Variants in DGCR8 observed in about 807,000 individuals in gnomAD.
DGCR8 encodes the protein DGCR8 microprocessor complex subunit, also known as microprocessor complex subunit DGCR8.
In DGCR8, 14 loss-of-function variants were observed where a neutral mutation model predicts 78.5. The ratio of observed to expected loss-of-function variants is 0.18; its 90% CI spans 0.12 to 0.28. DGCR8 has a LOEUF of 0.28. Ranked by LOEUF, DGCR8 falls within the 10% of genes least tolerant of loss-of-function variation. The pLI, the probability that DGCR8 is intolerant of heterozygous loss-of-function variation, is 1.00. For missense variants in DGCR8, 702 were observed against 1,022.5 expected (o/e 0.69, Z 4.28); for synonymous variants, 399 against 402.4 (o/e 0.99, Z 0.10).
rs770165245 is a variant in DGCR8, at chr22:20,090,189, G to A, written c.1237G>A (p.Ala413Thr). The A allele has an allele frequency of 9.9e-6, 16 of 1,614,096 alleles. No individual in the cohort carries two copies. Among genetic ancestry groups the A allele is most frequent in the Non-Finnish European group, 1.4e-5 (16 of 1,180,046 alleles). The change falls in exon 5 of 14, where the codon GCT (alanine) becomes ACT (threonine). Residue 413 changes from alanine to threonine, a missense_variant. Coordinates refer to ENST00000351989, the MANE Select transcript of DGCR8 (RefSeq NM_022720.7). Reference protein sequence around the residue: ...GPPDEKDPLGAEAAPGALGQV... With the variant: ...GPPDEKDPLGTEAAPGALGQV... ...CCCGGACGAGAAAGACCCACTAGGG[G>A]CTGAGGCAGCCCCTGGGGCCCTGGG... is the stretch of plus-strand genomic sequence containing the variant.
Position 20,110,988 on chromosome 22 carries a change from C to G in DGCR8, c.*880C>G, listed in dbSNP as rs767736809. 9 of 396,360 alleles carry G rather than the reference C, an allele frequency of 2.3e-5. No homozygotes were observed. The highest frequency in any genetic ancestry group is 4.4e-5 in the Admixed American group (1 of 22,674). The allele number at this position is 396,360 out of a possible 1,614,324, so 24.6% of individuals were successfully genotyped here. On this transcript the variant is annotated 3_prime_UTR_variant, in exon 14 of 14. Coordinates refer to ENST00000351989, the MANE Select transcript of DGCR8 (RefSeq NM_022720.7). ...ATATTTTAGCATTTTGAAAGACTTTCACAGTGAGAGTAGAAGGTAGATTTG... is the reference window on the plus strand; with the variant it reads ...ATATTTTAGCATTTTGAAAGACTTTGACAGTGAGAGTAGAAGGTAGATTTG...
chr22:20,080,574 T>C (rs2049406074), intron 1 of DGCR8, 191 bp downstream of exon 1: 5 of 671,556 alleles, frequency 7.4e-6, no homozygotes, highest in Non-Finnish European at 9.2e-6. Context: ...CCTCCGGGGC[T>C]GGGGGGCGGG....
At chr22:20,107,958 A>G in intron 12 of DGCR8, 1 of 156,366 alleles carries the variant, frequency 6.4e-6, no homozygotes, top group Non-Finnish European at 1.4e-5. Context: ...TGATTACAGA[A>G]ACTCTCTGGG....
chr22:20,094,394 C>T (rs1374075232), intron 8 of DGCR8, among the ~76,000 whole-genome samples: 5 of 152,346 alleles, frequency 3.3e-5, no homozygotes, highest in East Asian at 1.9e-4. Flanking sequence ...GTCCAGGGCC[C>T]GCAAAGCTGT....
At position 20,094,703 on chromosome 22, in the gene DGCR8, T is replaced by G; in HGVS notation, c.1706-10T>G. 6.2e-7 allele frequency: 1 copy of G among 1,613,712 alleles called. No homozygotes were observed. The highest frequency in any genetic ancestry group is 8.5e-7 in the Non-Finnish European group (1 of 1,179,764). The stretch of plus-strand genomic sequence containing the variant: ...CCCAAGCCTCACCCTCGGGCTCTTT[T>G]TTTTCATAGCCCGAGCTACACTGGA... On this transcript the variant is annotated splice_polypyrimidine_tract_variant and intron_variant, in intron 8 of 13. Coordinates refer to ENST00000351989, the MANE Select transcript of DGCR8 (RefSeq NM_022720.7).
In DGCR8 at chr22:20,086,156, G is replaced by T; in HGVS notation, c.193G>T (p.Asp65Tyr). Residue 65 changes from aspartate (D) to tyrosine (Y), a missense_variant, in exon 2 of 14, where the codon GAC becomes TAC. Transcript: ENST00000351989. This position sits in a 1 kb window ranked among gnomAD's most constrained non-coding sequence, Gnocchi z 6.4. Reference sequence around the variant, plus strand: ...TGGACAGTCCGAACTCCCTGCTGAGGACCCCTTCAACTTCTACGGAGCTTC... The same window carrying T: ...TGGACAGTCCGAACTCCCTGCTGAGTACCCCTTCAACTTCTACGGAGCTTC... ...GDGQSELPAE[D>Y]PFNFYGASLL... 1 of 1,614,146 alleles carries T rather than the reference G, an allele frequency of 6.2e-7. No individual in the cohort carries two copies. The highest frequency in any genetic ancestry group is 8.5e-7 in the Non-Finnish European group (1 of 1,180,032).
chr22:20,092,339 C>T (rs554160085), intron 7 of DGCR8, among the ~76,000 whole-genome samples: 22 of 152,314 alleles, frequency 1.4e-4, no homozygotes, highest in African/African-American at 4.8e-4. Flanking sequence ...GGTTCTTGGG[C>T]ATGCATTTCC....
chr22:20,096,521 C>T, intron 9 of DGCR8: 1 of 975,284 alleles, frequency 1.0e-6, no homozygotes, highest in Non-Finnish European at 1.2e-6. Flanking sequence ...TATATAATAG[C>T]TTTATTGAGA....
Position 20,080,251 on chromosome 22 carries a change from C to G in DGCR8, c.-410C>G, listed in dbSNP as rs918926970. ...CCGCGAAGGCCCGCCCTCCGCTCGC[C>G]CGGCGCGGCAGGCGGGTGCCGGCGA... On this transcript the variant is annotated 5_prime_UTR_variant, in exon 1 of 14. Coordinates refer to ENST00000351989, the MANE Select transcript of DGCR8 (RefSeq NM_022720.7). 1 of 974,842 alleles carries G rather than the reference C, an allele frequency of 1.0e-6. No individual in the cohort carries two copies. Among genetic ancestry groups the G allele is most frequent in the South Asian group, 4.7e-5 (1 of 21,176 alleles). The allele number at this position is 974,842 out of a possible 1,614,324, so 60.4% of individuals were successfully genotyped here. A position where few individuals can be genotyped will look rare whatever the true frequency, so the allele number is the denominator to read the frequency against.
Position 20,085,136 on chromosome 22 carries a change from C to T in DGCR8, c.-277-551C>T. On this transcript the variant is annotated intron_variant, in intron 1 of 13. Coordinates refer to ENST00000351989, the MANE Select transcript of DGCR8 (RefSeq NM_022720.7). The surrounding 1 kb of genome is among the most constrained non-coding windows in gnomAD (Gnocchi z 6.2). ...CACGCTGCATCACTGTCCCCGTCCA[C>T]GTGCTACCCTGTGGGCCCAGGAGAG... The T allele has an allele frequency of 3.9e-6, 3 of 766,946 alleles. No homozygotes were observed. Among genetic ancestry groups the T allele is most frequent in the Non-Finnish European group, 4.8e-6 (3 of 630,072 alleles). 47.5% of individuals were successfully genotyped at this position (766,946 alleles called of 1,614,324 possible).
intron 9 of DGCR8, 71 bp downstream of exon 9, chr22:20,094,866 C>G: frequency 2.2e-6 from 3 of 1,377,178 alleles, no homozygotes; most frequent in Non-Finnish European, 2.1e-6. Flanking sequence ...TTAGTGTGAG[C>G]TGGGGGTGTC....
rs779800427 is a variant in DGCR8, at chr22:20,106,236, G to T, written c.1848G>T (p.Gly616=). 5 of 1,613,866 alleles carry T rather than the reference G, an allele frequency of 3.1e-6. No homozygotes were observed. The highest frequency in any genetic ancestry group is 1.1e-5 in the South Asian group (1 of 91,088). Residue 616 remains glycine, a synonymous_variant, in exon 10 of 14, where the codon GGG becomes GGT. Coordinates refer to ENST00000351989, the MANE Select transcript of DGCR8 (RefSeq NM_022720.7). ...TCTACGAGCTGACCAGCAAGGCTGG[G>T]CTGTTGTCTCCATATCAGATCCTCC... ...SRVYELTSKA[G]LLSPYQILHE... is the part of the protein sequence containing the mutation.
At chr22:20,106,497 G>C (rs2049771326) in intron 10 of DGCR8, 95 bp from the exon 11 acceptor site, 1 of 957,128 alleles carries the variant, frequency 1.0e-6, no homozygotes, top group African/African-American at 1.6e-5. Flanking sequence ...GGAGAGGCTT[G>C]GTCATTTCCT....
rs767473016 is a variant in DGCR8 at position 20,085,881 on chromosome 22, G to A, written c.-83G>A. 1.1e-5 allele frequency: 17 copies of A among 1,501,914 alleles called. No individual in the cohort carries two copies. The highest frequency in any genetic ancestry group is 4.5e-5 in the Admixed American group (2 of 44,356). The allele number at this position is 1,501,914 out of a possible 1,614,324, so 93.0% of individuals were successfully genotyped here. ...CGGCAGGACGCGCCCGGGTCTCAGCGGACTTGTGCATGTTAGCTGTGTAGA... is the reference window on the plus strand; with the variant it reads ...CGGCAGGACGCGCCCGGGTCTCAGCAGACTTGTGCATGTTAGCTGTGTAGA... On this transcript the variant is annotated 5_prime_UTR_variant, in exon 2 of 14. Coordinates refer to ENST00000351989, the MANE Select transcript of DGCR8 (RefSeq NM_022720.7). This position sits in a 1 kb window ranked among gnomAD's most constrained non-coding sequence, Gnocchi z 6.2.
intron 9 of DGCR8, chr22:20,100,844 A>G (rs1469302650): frequency 6.1e-6 from 6 of 984,330 alleles, no homozygotes; most frequent in Non-Finnish European, 7.2e-6. Flanking sequence ...GTCTGGAGCT[A>G]GCGTCATATC....
chr22:20,081,644 T>G (rs571637235), intron 1 of DGCR8, among the ~76,000 whole-genome samples: 66 of 152,288 alleles, frequency 4.3e-4, no homozygotes, highest in Non-Finnish European at 6.9e-4. Context: ...TCACCCAGCC[T>G]CCTGACTTTA....
chr22:20,110,186 C>A lies in DGCR8; in HGVS notation c.*78C>A. 1 of 1,450,556 alleles carries A rather than the reference C, an allele frequency of 6.9e-7. No homozygotes were observed. The highest frequency in any genetic ancestry group is 9.5e-7 in the Non-Finnish European group (1 of 1,051,454). The allele number at this position is 1,450,556 out of a possible 1,614,324, so 89.9% of individuals were successfully genotyped here. A position where few individuals can be genotyped will look rare whatever the true frequency, so the allele number is the denominator to read the frequency against. On this transcript the variant is annotated 3_prime_UTR_variant, in exon 14 of 14. Coordinates refer to ENST00000351989, the MANE Select transcript of DGCR8 (RefSeq NM_022720.7). The stretch of plus-strand genomic sequence containing the variant: ...ACCAGCAGTCATGCATCGTGCACCA[C>A]AGTGTCAGGCCTCCAACCCACGCTC...
Position 20,091,490 on chromosome 22 carries a change from T to C in DGCR8, c.1362T>C (p.Thr454=), listed in dbSNP as rs780683557. 83 of 1,614,124 alleles carry C rather than the reference T, an allele frequency of 5.1e-5. No individual in the cohort carries two copies. In the Admixed American group the frequency reaches 1.1e-3, roughly 22 times the overall value. Residue 454 remains threonine, a synonymous_variant, in exon 6 of 14, where the codon ACT becomes ACC. Coordinates refer to ENST00000351989, the MANE Select transcript of DGCR8 (RefSeq NM_022720.7). ...AGCGTTTTGACTTTGAGCAAGTTAC[T>C]GTGAAAAAATTCAGGACTTGGGCTG... ...LEKRFDFEQV[T]VKKFRTWAER... is the part of the protein sequence containing the mutation.
chr22:20,099,025 C>T (rs1304904658), intron 9 of DGCR8, among the ~76,000 whole-genome samples: 1 of 152,142 alleles, frequency 6.6e-6, no homozygotes, highest in Non-Finnish European at 1.5e-5. Flanking sequence ...GAGTGGTCTC[C>T]TGATGCTTGG....
Sources: gnomAD v4.1 joint callset for allele counts (sites outside exome capture counted in the v4.1 genomes callset) on GRCh38, gnomAD v4.1.1 for gene constraint, Gnocchi (gnomAD v3.1) non-coding constraint, MANE v1.5 for transcripts, NCBI Gene and HGNC (gene_info 2026-07-23, HGNC 2026-07-21) for gene names.